Variants in SPTSSA observed in about 807,000 individuals in gnomAD.
The protein encoded by SPTSSA is serine palmitoyltransferase small subunit A.
A neutral mutation model predicts 9.1 loss-of-function variants in SPTSSA; 8 were observed. The observed-to-expected ratio is 0.88, with a 90% CI of 0.51 to 1.58. The LOEUF is 1.58. SPTSSA is among the 40% of genes most tolerant of loss of function. The pLI, the probability that SPTSSA is intolerant of heterozygous loss-of-function variation, is 0.00. For synonymous variants in SPTSSA, 42 were observed against 37.7 expected, an observed-to-expected ratio of 1.11 and a Z score of -0.41; for missense variants, 100 against 93.8, an observed-to-expected ratio of 1.07 and a Z score of -0.27.
intron 1 of SPTSSA, among the ~76,000 whole-genome samples, chr14:34,450,654 T>C (rs1883503614): frequency 6.6e-6 from 1 of 152,220 alleles, no homozygotes; most frequent in Admixed American, 6.5e-5. Context: ...CTGTTCTGTT[T>C]TGTGTTTATA....
chr14:34,437,756 C>A (rs1883261468), intron 1 of SPTSSA, among the ~76,000 whole-genome samples: 1 of 152,158 alleles, frequency 6.6e-6, no homozygotes, highest in South Asian at 2.1e-4. Context: ...TCAAAAAACC[C>A]TGAATCCCAC....
chr14:34,436,010 A>T (rs185031954), intron 1 of SPTSSA, among the ~76,000 whole-genome samples: 27 of 152,308 alleles, frequency 1.8e-4, no homozygotes, highest in African/African-American at 5.3e-4. Context: ...CTATTTAATT[A>T]CTATAAAAGA....
At chr14:34,442,955 G>GTGTGTGTGTGTGT (rs1566422692) in intron 1 of SPTSSA, among the ~76,000 whole-genome samples, 11 of 124,236 alleles carry the variant, frequency 8.9e-5, no homozygotes, top group African/African-American at 3.5e-4. Context: ...TGTCTAGGGG[G>GTGTGTGTGTGTGT]GTGTGTGTGT....
At chr14:34,449,631 T>G (rs935916463) in intron 1 of SPTSSA, among the ~76,000 whole-genome samples, 1 of 151,720 alleles carries the variant, frequency 6.6e-6, no homozygotes, top group Non-Finnish European at 1.5e-5. Flanking sequence ...GTCTCCCGAG[T>G]AGCTAGAATT....
At chr14:34,451,717 CAAAAAAAAAAA>C (rs35096900) in intron 1 of SPTSSA, among the ~76,000 whole-genome samples, 7 of 77,200 alleles carry the variant, frequency 9.1e-5, no homozygotes, top group South Asian at 5.1e-4. Context: ...GACTCTGTTT[CAAAAAAAAAAA>C]AAAAAAAAAA....
At chr14:34,458,063 A>T (rs1390259362) in intron 1 of SPTSSA, among the ~76,000 whole-genome samples, 1 of 152,142 alleles carries the variant, frequency 6.6e-6, no homozygotes, top group East Asian at 1.9e-4. Flanking sequence ...TTACTTATAA[A>T]TCTTACTGTT....
chr14:34,442,955 G>GTGTGTGT (rs1566422692), intron 1 of SPTSSA, among the ~76,000 whole-genome samples: 120 of 124,232 alleles, frequency 9.7e-4, no homozygotes, highest in African/African-American at 2.8e-3. Context: ...TGTCTAGGGG[G>GTGTGTGT]GTGTGTGTGT....
intron 1 of SPTSSA, among the ~76,000 whole-genome samples, chr14:34,458,205 A>AT (rs11379380): frequency 0.27 from 40,823 of 150,844 alleles, 6,832 homozygotes; most frequent in African/African-American, 0.48. Flanking sequence ...TTCAATTGAG[A>AT]TTTTTTTTTC....
intron 1 of SPTSSA, among the ~76,000 whole-genome samples, chr14:34,455,409 TA>T (rs754461322): frequency 5.3e-5 from 8 of 151,810 alleles, no homozygotes; most frequent in Non-Finnish European, 1.0e-4. Context: ...AAAAGGAGTA[TA>T]TTTTTTATAT....
At chr14:34,453,025 G>C (rs1883554933) in intron 1 of SPTSSA, among the ~76,000 whole-genome samples, 1 of 151,804 alleles carries the variant, frequency 6.6e-6, no homozygotes, top group Non-Finnish European at 1.5e-5. Flanking sequence ...TCCTCCTTAT[G>C]ATTTTCTTCC....
intron 1 of SPTSSA, among the ~76,000 whole-genome samples, chr14:34,455,109 C>T (rs970789609): frequency 2.6e-5 from 4 of 151,746 alleles, no homozygotes; most frequent in Admixed American, 1.3e-4. Flanking sequence ...AAATAGGAGC[C>T]GGGCTAGGTG....
chr14:34,459,288 G>A (rs1264991104), intron 1 of SPTSSA, among the ~76,000 whole-genome samples: 1 of 105,746 alleles, frequency 9.5e-6, no homozygotes, highest in African/African-American at 3.4e-5. Context: ...CCCCAACTCC[G>A]CCTCTATTAA....
At chr14:34,436,577 G>C (rs1403186074) in intron 1 of SPTSSA, among the ~76,000 whole-genome samples, 1 of 151,698 alleles carries the variant, frequency 6.6e-6, no homozygotes, top group African/African-American at 2.4e-5. Flanking sequence ...GAGAAGATAG[G>C]GTTTAAATAA....
intron 1 of SPTSSA, among the ~76,000 whole-genome samples, chr14:34,446,504 T>C (rs2787446): frequency 0.21 from 31,763 of 152,248 alleles, 3,476 homozygotes; most frequent in Middle Eastern, 0.29. Flanking sequence ...GGTAATCTTA[T>C]ACTTTGACAG....
chr14:34,452,129 T>C (rs1883538411), intron 1 of SPTSSA, among the ~76,000 whole-genome samples: 1 of 151,620 alleles, frequency 6.6e-6, no homozygotes, highest in Non-Finnish European at 1.5e-5. Context: ...CACACCTGTA[T>C]TCCCAGCTAC....
chr14:34,443,617 C>T (rs1378113899), intron 1 of SPTSSA, among the ~76,000 whole-genome samples: 1 of 149,566 alleles, frequency 6.7e-6, no homozygotes, highest in Non-Finnish European at 1.5e-5. Context: ...CTCACTGCAA[C>T]CTCTGCCTCC....
chr14:34,439,185 G>C (rs890124043), intron 1 of SPTSSA, among the ~76,000 whole-genome samples: 1 of 152,142 alleles, frequency 6.6e-6, no homozygotes, highest in Admixed American at 6.6e-5. Context: ...CTGACCTTTT[G>C]TATCTTCTTA....
chr14:34,438,481 C>G (rs1883273311), intron 1 of SPTSSA, among the ~76,000 whole-genome samples: 1 of 152,088 alleles, frequency 6.6e-6, no homozygotes, highest in South Asian at 2.1e-4. Flanking sequence ...ATGTTGTCAA[C>G]CTGACCTCAC....
chr14:34,441,884 T>G (rs897039846), intron 1 of SPTSSA, among the ~76,000 whole-genome samples: 7 of 152,092 alleles, frequency 4.6e-5, no homozygotes, highest in Admixed American at 1.3e-4. Flanking sequence ...GTTTTTTTGT[T>G]TTTTGTTTTT....
Sources: allele counts gnomAD v4.1 joint callset (sites outside exome capture counted in the v4.1 genomes callset), GRCh38; gene constraint gnomAD v4.1.1; transcripts MANE v1.5; gene names NCBI Gene and HGNC (gene_info 2026-07-23, HGNC 2026-07-21).